Variants in RAB30 observed in about 807,000 individuals in gnomAD.
RAB30 encodes RAB30, member RAS oncogene family, also known as ras-related protein Rab-30.
In RAB30, 9 loss-of-function variants were observed where a neutral mutation model predicts 25.1. The observed-to-expected ratio is 0.36, with a 90% CI of 0.22 to 0.63. RAB30 has a LOEUF of 0.63. Among genes scored for constraint, RAB30 ranks in the 20% least tolerant of loss-of-function variants. The probability of loss-of-function intolerance (pLI) is 0.69; values close to 1 mark genes in which losing one functional copy is unlikely to be tolerated. For missense variants in RAB30, 140 were observed against 243.5 expected, an observed-to-expected ratio of 0.58 and a Z score of 2.83; for synonymous variants, 77 against 86.4, an observed-to-expected ratio of 0.89 and a Z score of 0.60.
At chr11:83,007,228 G>C (rs1405776942) in intron 1 of RAB30, among the ~76,000 whole-genome samples, 1 of 152,142 alleles carries the variant, frequency 6.6e-6, no homozygotes, top group Admixed American at 6.5e-5. Context: ...TCTCCATTGG[G>C]CAAGGCCACA....
intron 1 of RAB30, among the ~76,000 whole-genome samples, chr11:83,051,870 T>C (rs1282023643): frequency 6.6e-6 from 1 of 152,170 alleles, no homozygotes; most frequent in East Asian, 1.9e-4. Context: ...TATTGGAAAA[T>C]GAATCACACA....
intron 1 of RAB30, among the ~76,000 whole-genome samples, chr11:83,056,037 A>G (rs537073454): frequency 2.6e-5 from 4 of 152,370 alleles, no homozygotes; most frequent in Admixed American, 1.3e-4. Context: ...TTAGATATAC[A>G]TAACATAAAA....
intron 2 of RAB30, among the ~76,000 whole-genome samples, chr11:82,995,518 T>A (rs191995973): frequency 1.3e-3 from 195 of 152,340 alleles, no homozygotes; most frequent in Non-Finnish European, 2.6e-3. Context: ...TCCAGTTCAT[T>A]TTAACTGTCT....
chr11:83,043,353 T>C (rs1309487096), intron 1 of RAB30, among the ~76,000 whole-genome samples: 2 of 152,160 alleles, frequency 1.3e-5, no homozygotes, highest in African/African-American at 2.4e-5. Context: ...AGGAGCCCAG[T>C]TGATCAGCTG....
In RAB30 at chr11:83,030,402, G is replaced by A. The variant is rs190434617; in HGVS notation, c.-8-33078C>T. ...AGTCCCAGCTTCTTGGGAGCCTGAG[G>A]TGGGAGGACTGCTTGATCTCAGGAG... On this transcript the variant is annotated intron_variant, in intron 1 of 4. Transcript: ENST00000527633. Among the ~76,000 whole-genome samples, 266 of 152,146 alleles carry A rather than the reference G, an allele frequency of 1.7e-3. 2 individuals carry two copies. The highest frequency in any genetic ancestry group is 6.8e-3 in the Middle Eastern group (2 of 292).
At chr11:83,005,989 CA>C (rs1380089989) in intron 1 of RAB30, among the ~76,000 whole-genome samples, 1 of 151,288 alleles carries the variant, frequency 6.6e-6, no homozygotes, top group East Asian at 1.9e-4. Context: ...AAAGTAAATT[CA>C]AACTATAGTA....
At chr11:83,005,672 A>T (rs1857169018) in intron 1 of RAB30, among the ~76,000 whole-genome samples, 1 of 152,090 alleles carries the variant, frequency 6.6e-6, no homozygotes, top group Non-Finnish European at 1.5e-5. Context: ...CATATATATA[A>T]AACCTTAAAG....
intron 1 of RAB30, among the ~76,000 whole-genome samples, chr11:83,068,135 A>AG: frequency 6.6e-6 from 1 of 151,508 alleles, no homozygotes; most frequent in African/African-American, 2.4e-5. Flanking sequence ...AAAAAAAAAA[A>AG]AAAAATACAA....
At chr11:83,003,610 G>A (rs910053468) in intron 1 of RAB30, among the ~76,000 whole-genome samples, 2 of 151,956 alleles carry the variant, frequency 1.3e-5, no homozygotes, top group Non-Finnish European at 1.5e-5. Flanking sequence ...TAGTAGAGAC[G>A]GGGTTTCTCC....
intron 1 of RAB30, among the ~76,000 whole-genome samples, chr11:83,020,017 C>T (rs1394892501): frequency 6.6e-6 from 1 of 152,270 alleles, no homozygotes; most frequent in Non-Finnish European, 1.5e-5. Context: ...CTGCATGTTC[C>T]ATGGAGCTGG....
chr11:83,012,429 T>C lies in RAB30; in HGVS notation c.-8-15105A>G, dbSNP rs189710551. Among the ~76,000 whole-genome samples the C allele has an allele frequency of 2.0e-5, 3 of 152,326 alleles. No individual in the cohort carries two copies. The East Asian group carries it at 5.8e-4, about 29-fold the overall frequency. The stretch of plus-strand genomic sequence containing the variant: ...CAGTGCCCTGGTTAAGAGGGCAAAC[T>C]TTGGAGCCACACTGCCTGAGTCTGA... On this transcript the variant is annotated intron_variant, in intron 1 of 4. Transcript: ENST00000527633.
intron 2 of RAB30, 23 bp from the exon 3 acceptor site, chr11:82,994,145 G>A (rs1206338471): frequency 1.3e-6 from 2 of 1,552,842 alleles, no homozygotes; most frequent in East Asian, 2.2e-5. Flanking sequence ...TAATAGAAAA[G>A]AACAGCTAAG....
chr11:83,028,163 A>T (rs1378163708), intron 1 of RAB30, among the ~76,000 whole-genome samples: 1 of 152,260 alleles, frequency 6.6e-6, no homozygotes, highest in African/African-American at 2.4e-5. Context: ...AAACAAAAAT[A>T]GGATGCTATA....
At chr11:83,039,817 C>G (rs542522014) in intron 1 of RAB30, among the ~76,000 whole-genome samples, 3 of 152,178 alleles carry the variant, frequency 2.0e-5, no homozygotes, top group Admixed American at 6.5e-5. Flanking sequence ...AGAAAAAAGG[C>G]TGAAAAAATG....
intron 1 of RAB30, among the ~76,000 whole-genome samples, chr11:83,052,107 C>A (rs1858370518): frequency 6.6e-6 from 1 of 152,192 alleles, no homozygotes; most frequent in South Asian, 2.1e-4. Context: ...GATGACAGAG[C>A]AGGCCTCCTG....
At chr11:83,058,883 C>T (rs1165924836) in intron 1 of RAB30, among the ~76,000 whole-genome samples, 1 of 152,212 alleles carries the variant, frequency 6.6e-6, no homozygotes, top group African/African-American at 2.4e-5. Context: ...TAGGCTCTCA[C>T]ACTTGGGATC....
At chr11:83,002,430 T>C (rs1283322807) in intron 1 of RAB30, among the ~76,000 whole-genome samples, 1 of 152,170 alleles carries the variant, frequency 6.6e-6, no homozygotes, top group African/African-American at 2.4e-5. Context: ...GGAGCACAGA[T>C]GAGCAAGCAA....
chr11:83,015,329 T>C (rs1857412808), intron 1 of RAB30, among the ~76,000 whole-genome samples: 1 of 152,028 alleles, frequency 6.6e-6, no homozygotes, highest in African/African-American at 2.4e-5. Context: ...GGAGTGTTTT[T>C]GAAGATAGAG....
At chr11:83,063,674 T>G (rs1488028335) in intron 1 of RAB30, among the ~76,000 whole-genome samples, 1 of 152,192 alleles carries the variant, frequency 6.6e-6, no homozygotes, top group Non-Finnish European at 1.5e-5. Context: ...TCAGCCCAAG[T>G]GGCTAATGGA....
Sources: gnomAD v4.1 joint callset for allele counts (sites outside exome capture counted in the v4.1 genomes callset) on GRCh38, gnomAD v4.1.1 for gene constraint, MANE v1.5 for transcripts, NCBI Gene and HGNC (gene_info 2026-07-23, HGNC 2026-07-21) for gene names.